Variants in CNBD1 observed in about 807,000 individuals in gnomAD.
The protein encoded by CNBD1 is cyclic nucleotide binding domain containing 1.
Under a neutral mutation model 54.4 loss-of-function variants are expected in CNBD1, and 71 were observed. The observed-to-expected ratio is 1.30, with a 90% CI of 1.08 to 1.59. CNBD1 has a LOEUF of 1.59. Among genes scored for constraint, CNBD1 ranks in the 40% most tolerant of loss-of-function variants. CNBD1 has a pLI of 0.00. For missense variants in CNBD1, 659 were observed against 518.0 expected (o/e 1.27, Z -2.64); for synonymous variants, 182 against 170.7 (o/e 1.07, Z -0.51).
chr8:87,212,218 T>G (rs930472714), intron 5 of CNBD1, among the ~76,000 whole-genome samples: 1 of 152,116 alleles, frequency 6.6e-6, no homozygotes, highest in African/African-American at 2.4e-5. Flanking sequence ...TGAAAGAAAT[T>G]AAATAGAAAG....
At position 87,296,069 on chromosome 8, in the gene CNBD1, T is replaced by C. The variant is rs749085780; in HGVS notation, c.1042+9398T>C. ...TTTTTTCCTGTTTTTCTGTATATTC[T>C]AGACATTCTATAATAAGTACATATG... On this transcript the variant is annotated intron_variant, in intron 8 of 10. Transcript: ENST00000518476. Among the ~76,000 whole-genome samples, 5 of 152,278 alleles carry C rather than the reference T, an allele frequency of 3.3e-5. No homozygotes were observed. In the South Asian group the frequency reaches 8.3e-4, roughly 25 times the overall value.
intron 4 of CNBD1, among the ~76,000 whole-genome samples, chr8:87,109,731 G>A (rs1279428202): frequency 1.3e-5 from 2 of 151,392 alleles, no homozygotes; most frequent in Admixed American, 6.6e-5. Context: ...GTAGAGACAG[G>A]GTCTCACCGT....
At chr8:87,136,226 C>T (rs1027089071) in intron 4 of CNBD1, among the ~76,000 whole-genome samples, 4 of 151,842 alleles carry the variant, frequency 2.6e-5, no homozygotes, top group African/African-American at 9.7e-5. Flanking sequence ...CTTTCCATGT[C>T]TGTCTAGGCC....
chr8:87,095,305 C>G (rs1024659280), intron 4 of CNBD1, among the ~76,000 whole-genome samples: 1 of 152,144 alleles, frequency 6.6e-6, no homozygotes, highest in Admixed American at 6.5e-5. Context: ...AAACCTAGTG[C>G]TTTCTTAAGA....
chr8:87,423,195 T>C (rs570378271), intron 2 of CNBD1, among the ~76,000 whole-genome samples: 3 of 152,302 alleles, frequency 2.0e-5, no homozygotes, highest in East Asian at 1.9e-4. Context: ...TGGGGTTTTC[T>C]AGATATACAT....
intron 4 of CNBD1, among the ~76,000 whole-genome samples, chr8:87,141,718 C>G (rs1812373839): frequency 1.3e-5 from 2 of 151,934 alleles, no homozygotes; most frequent in Non-Finnish European, 2.9e-5. Context: ...GTATTATTAA[C>G]ATGACATATA....
At position 87,324,358 on chromosome 8, in the gene CNBD1, G is replaced by T. The variant is rs1279666636; in HGVS notation, c.1043-27327G>T. ...GGATTCCCTCTTTTTCTATTGATTG[G>T]AATAATTTCAGAAGGAATGGTACCA... On this transcript the variant is annotated intron_variant, in intron 8 of 10. Coordinates refer to ENST00000518476, the MANE Select transcript of CNBD1 (RefSeq NM_173538.3). Among the ~76,000 whole-genome samples, 5 of 126,050 alleles carry T rather than the reference G, an allele frequency of 4.0e-5. 1 individual carries two copies. The allele number at this position is 126,050 out of a possible 152,430, so 82.7% of individuals were successfully genotyped here.
chr8:87,392,170 T>A (rs1473785373), intron 2 of CNBD1, among the ~76,000 whole-genome samples: 1 of 152,022 alleles, frequency 6.6e-6, no homozygotes. Context: ...TTGTCAAAGA[T>A]GTGAAAAAAT....
chr8:87,328,463 A>G (rs146214710), intron 8 of CNBD1, among the ~76,000 whole-genome samples: 222 of 148,668 alleles, frequency 1.5e-3, no homozygotes, highest in African/African-American at 5.0e-3. Context: ...TGGGCTTTTC[A>G]TTATATTTAA....
chr8:87,419,875 G>A (rs1001613953), intron 2 of CNBD1, among the ~76,000 whole-genome samples: 3 of 150,392 alleles, frequency 2.0e-5, no homozygotes, highest in African/African-American at 7.3e-5. Context: ...ATTCGCCCAT[G>A]GTAAACTTTA....
intron 8 of CNBD1, among the ~76,000 whole-genome samples, chr8:87,301,324 G>T (rs1286160187): frequency 1.3e-5 from 2 of 151,988 alleles, no homozygotes; most frequent in Non-Finnish European, 2.9e-5. Context: ...GAGAAAGAAA[G>T]AACCCTCCTT....
intron 6 of CNBD1, among the ~76,000 whole-genome samples, chr8:87,272,423 T>G (rs1808386896): frequency 6.6e-6 from 1 of 152,008 alleles, no homozygotes; most frequent in South Asian, 2.1e-4. Flanking sequence ...GCTGACACAG[T>G]TATTTCAATT....
chr8:86,927,900 T>C (rs960372643), intron 3 of CNBD1, among the ~76,000 whole-genome samples: 3 of 152,110 alleles, frequency 2.0e-5, no homozygotes, highest in Admixed American at 1.3e-4. Context: ...GAGGCTGGTC[T>C]GGCTGATTTT....
intron 4 of CNBD1, among the ~76,000 whole-genome samples, chr8:86,949,649 C>A (rs1259462548): frequency 6.6e-6 from 1 of 151,950 alleles, no homozygotes; most frequent in East Asian, 1.9e-4. Flanking sequence ...AATATAAGAT[C>A]ATATTGTCTA....
intron 2 of CNBD1, among the ~76,000 whole-genome samples, chr8:87,411,359 GC>G (rs1807738277): frequency 7.3e-6 from 1 of 137,396 alleles, no homozygotes; most frequent in Non-Finnish European, 1.5e-5. Context: ...CTATAGCTTT[GC>G]CCAAGCATTT....
At chr8:87,366,118 A>G (rs1400959170) in intron 10 of CNBD1, among the ~76,000 whole-genome samples, 1 of 152,064 alleles carries the variant, frequency 6.6e-6, no homozygotes, top group African/African-American at 2.4e-5. Context: ...TACATAACAA[A>G]TTACCATAAA....
In CNBD1 at chr8:87,331,223, C is replaced by T. The variant is rs550729749; in HGVS notation, c.1043-20462C>T. 4.9e-4 allele frequency among the ~76,000 whole-genome samples: 74 copies of T among 152,212 alleles called. 1 individual carries two copies. The South Asian group carries it at 0.011, about 23-fold the overall frequency. ...TGAGGCTTTCCCACCCCTTGCACCCCGCTGACAGGTCCAGGTGTGTGTTGT... is the reference window on the plus strand; with the variant it reads ...TGAGGCTTTCCCACCCCTTGCACCCTGCTGACAGGTCCAGGTGTGTGTTGT... On this transcript the variant is annotated intron_variant, in intron 8 of 10. Coordinates refer to ENST00000518476, the MANE Select transcript of CNBD1 (RefSeq NM_173538.3).
intron 3 of CNBD1, among the ~76,000 whole-genome samples, chr8:86,908,801 T>TGAGACGGA (rs1449164282): frequency 1.9e-4 from 2 of 10,358 alleles, no homozygotes; most frequent in African/African-American, 4.3e-4. Flanking sequence ...TTTTTTTTTT[T>TGAGACGGA]GTGCTGAGGG....
intron 8 of CNBD1, among the ~76,000 whole-genome samples, chr8:87,325,017 G>T (rs7846574): frequency 0.027 from 2,745 of 100,998 alleles, 240 homozygotes; most frequent in African/African-American, 0.13. Flanking sequence ...TGTTCTCGTT[G>T]GTTTCAAAGA....
Sources: gnomAD v4.1 joint callset for allele counts (sites outside exome capture counted in the v4.1 genomes callset) on GRCh38, gnomAD v4.1.1 for gene constraint, MANE v1.5 for transcripts, NCBI Gene and HGNC (gene_info 2026-07-23, HGNC 2026-07-21) for gene names.